Variants in RPS6KC1 observed in about 807,000 individuals in gnomAD.
RPS6KC1 encodes inactive ribosomal protein S6 kinase delta-1.
Under a neutral mutation model 103.8 loss-of-function variants are expected in RPS6KC1, and 54 were observed. That is an observed-to-expected ratio of 0.52 (90% CI 0.42 to 0.65). The LOEUF is 0.65. RPS6KC1 is among the 30% of genes least tolerant of loss of function. The pLI is 0.00. For synonymous variants in RPS6KC1, 439 were observed against 438.7 expected (o/e 1.00, Z -0.01); for missense variants, 1,151 against 1,253.8 (o/e 0.92, Z 1.24).
the RPS6KC1 span, among the ~76,000 whole-genome samples, chr1:213,339,500 G>C: frequency 1.3e-5 from 2 of 152,130 alleles, no homozygotes; most frequent in Admixed American, 1.3e-4. Context: ...ACTGGGTTTT[G>C]GGTGGTTTTC....
intron 6 of RPS6KC1, among the ~76,000 whole-genome samples, chr1:213,145,006 C>G (rs1173004355): frequency 6.6e-6 from 1 of 152,038 alleles, no homozygotes; most frequent in African/African-American, 2.4e-5. Flanking sequence ...ACCTGGGAGG[C>G]AGAGGTTGCA....
At chr1:213,058,157 A>G (rs1181882069) in intron 1 of RPS6KC1, among the ~76,000 whole-genome samples, 1 of 142,302 alleles carries the variant, frequency 7.0e-6, no homozygotes, top group Non-Finnish European at 1.5e-5. Context: ...ATAGTGTGCT[A>G]CAGCCTCGAC....
At chr1:213,753,529 A>G in the RPS6KC1 span, among the ~76,000 whole-genome samples, 2 of 151,802 alleles carry the variant, frequency 1.3e-5, no homozygotes, top group Middle Eastern at 3.2e-3. Flanking sequence ...GGATGGTCCC[A>G]CCTTCATTCC....
the RPS6KC1 span, among the ~76,000 whole-genome samples, chr1:213,803,126 G>C: frequency 6.6e-6 from 1 of 151,950 alleles, no homozygotes; most frequent in Non-Finnish European, 1.5e-5. Context: ...AAGTGGCAAG[G>C]TCAGGCTTGA....
the RPS6KC1 span, among the ~76,000 whole-genome samples, chr1:213,653,358 C>T: frequency 6.6e-6 from 1 of 151,978 alleles, no homozygotes; most frequent in Non-Finnish European, 1.5e-5. Context: ...ACTCAAGAGG[C>T]TGAGGTGAGA....
the RPS6KC1 span, among the ~76,000 whole-genome samples, chr1:213,630,691 TC>T: frequency 6.6e-6 from 1 of 152,228 alleles, no homozygotes; most frequent in African/African-American, 2.4e-5. Context: ...CTCTGTTTTT[TC>T]CCCATCTTTG....
chr1:213,231,155 GTGT>G (rs2094095870), intron 9 of RPS6KC1, among the ~76,000 whole-genome samples: 1 of 152,152 alleles, frequency 6.6e-6, no homozygotes, highest in South Asian at 2.1e-4. Flanking sequence ...AATGTGTAGT[GTGT>G]TGTTTAAATA....
At chr1:213,557,112 T>C in the RPS6KC1 span, among the ~76,000 whole-genome samples, 1 of 152,142 alleles carries the variant, frequency 6.6e-6, no homozygotes, top group Non-Finnish European at 1.5e-5. Context: ...ACTAGATGGC[T>C]CCTCACCTTA....
chr1:213,348,318 A>C, the RPS6KC1 span, among the ~76,000 whole-genome samples: 1 of 152,226 alleles, frequency 6.6e-6, no homozygotes, highest in Admixed American at 6.5e-5. Context: ...AATAAACATA[A>C]GAAAACTGTC....
intron 6 of RPS6KC1, among the ~76,000 whole-genome samples, chr1:213,150,294 T>TGTTA (rs1459823625): frequency 8.9e-6 from 1 of 112,790 alleles, no homozygotes; most frequent in Admixed American, 8.3e-5. Context: ...GTACATTATA[T>TGTTA]GTTATTTATT....
the RPS6KC1 span, among the ~76,000 whole-genome samples, chr1:213,621,188 G>A: frequency 6.6e-5 from 10 of 152,150 alleles, no homozygotes; most frequent in African/African-American, 2.4e-4. Context: ...CTTGACTTGA[G>A]CTATTTAATG....
At chr1:213,783,815 C>CAA in the RPS6KC1 span, among the ~76,000 whole-genome samples, 3,811 of 65,894 alleles carry the variant, frequency 0.058, 241 homozygotes, top group Non-Finnish European at 0.1. Flanking sequence ...AAGATGTTGC[C>CAA]AAAAAAAAAA....
At chr1:213,843,625 A>G in the RPS6KC1 span, 3 of 152,198 alleles carry the variant, frequency 2.0e-5, no homozygotes, top group African/African-American at 7.2e-5. Flanking sequence ...GGGCCAACAC[A>G]GTTTTCAAAG....
At chr1:213,585,638 C>G in the RPS6KC1 span, among the ~76,000 whole-genome samples, 1 of 152,182 alleles carries the variant, frequency 6.6e-6, no homozygotes, top group Non-Finnish European at 1.5e-5. Context: ...AGCTCTGCCT[C>G]AATCCCTGGA....
the RPS6KC1 span, among the ~76,000 whole-genome samples, chr1:213,437,460 T>G: frequency 6.6e-6 from 1 of 152,068 alleles, no homozygotes; most frequent in Non-Finnish European, 1.5e-5. Flanking sequence ...CGCTTGTTTT[T>G]TTACTCTTGT....
chr1:213,628,102 C>T, the RPS6KC1 span, among the ~76,000 whole-genome samples: 1 of 152,176 alleles, frequency 6.6e-6, no homozygotes, highest in East Asian at 1.9e-4. Context: ...CATTTCAGAG[C>T]CTGTTTGGTC....
intron 3 of RPS6KC1, among the ~76,000 whole-genome samples, chr1:213,095,156 CCTT>C (rs1239844941): frequency 6.6e-6 from 1 of 152,136 alleles, no homozygotes; most frequent in Non-Finnish European, 1.5e-5. Flanking sequence ...TATGTATTCT[CCTT>C]AGTTGTAAGA....
intron 8 of RPS6KC1, among the ~76,000 whole-genome samples, chr1:213,225,467 G>A (rs1054399449): frequency 2.0e-5 from 3 of 151,860 alleles, no homozygotes; most frequent in Non-Finnish European, 2.9e-5. Context: ...TCAATTCACT[G>A]CAACCTCCGC....
chr1:213,442,938 C>T, the RPS6KC1 span, among the ~76,000 whole-genome samples: 1 of 151,988 alleles, frequency 6.6e-6, no homozygotes, highest in East Asian at 1.9e-4. Context: ...CCTACTGGAC[C>T]ACTGGACTCC....
Sources: allele counts gnomAD v4.1 joint callset (sites outside exome capture counted in the v4.1 genomes callset), GRCh38; gene constraint gnomAD v4.1.1; transcripts MANE v1.5; gene names NCBI Gene and HGNC (gene_info 2026-07-23, HGNC 2026-07-21).